The following SH2D4A variants were observed in gnomAD, a reference collection of about 807,000 sequenced individuals.
SH2D4A encodes the protein SH2 domain-containing protein 4A.
A neutral mutation model predicts 64.7 loss-of-function variants in SH2D4A; 70 were observed. That is an observed-to-expected ratio of 1.08 (90% confidence interval 0.89 to 1.32). The LOEUF (loss-of-function observed/expected upper bound fraction) is 1.32, where lower values mean the gene tolerates loss of function less well. SH2D4A is among the 40% of genes most tolerant of loss of function. SH2D4A has a pLI of 0.00. For missense variants in SH2D4A, 706 were observed against 540.1 expected (o/e 1.31, Z -3.04); for synonymous variants, 268 against 200.7 (o/e 1.34, Z -2.83).
chr8:19,365,458 C>G (rs185509231), intron 7 of SH2D4A, among the ~76,000 whole-genome samples: 2 of 152,152 alleles, frequency 1.3e-5, no homozygotes, highest in Non-Finnish European at 2.9e-5. Flanking sequence ...AAGGTGCACA[C>G]GGCTCTAAGT....
intron 4 of SH2D4A, among the ~76,000 whole-genome samples, chr8:19,355,876 GT>G (rs1157706385): frequency 4.6e-5 from 7 of 152,198 alleles, no homozygotes; most frequent in African/African-American, 1.7e-4. Flanking sequence ...GTTGTGACCA[GT>G]TTTATCAGTT....
chr8:19,319,301 C>G, intron 1 of SH2D4A, 43 bp from the exon 2 acceptor site: 1 of 1,167,570 alleles, frequency 8.6e-7, no homozygotes, highest in Non-Finnish European at 1.1e-6. Flanking sequence ...AGTGTCCACA[C>G]ATTTTAACAC....
intron 5 of SH2D4A, among the ~76,000 whole-genome samples, chr8:19,360,562 C>T (rs982131841): frequency 6.6e-5 from 10 of 152,048 alleles, no homozygotes; most frequent in Admixed American, 2.6e-4. Flanking sequence ...TACAGTGAGC[C>T]GAGATTATAC....
At chr8:19,368,801 T>C (rs991753658) in intron 7 of SH2D4A, among the ~76,000 whole-genome samples, 1 of 152,138 alleles carries the variant, frequency 6.6e-6, no homozygotes, top group Non-Finnish European at 1.5e-5. Context: ...GAGTTCCTCT[T>C]TTCCAATTTG....
chr8:19,325,281 G>T (rs780581814), intron 2 of SH2D4A, among the ~76,000 whole-genome samples: 2 of 152,154 alleles, frequency 1.3e-5, no homozygotes, highest in East Asian at 3.9e-4. Flanking sequence ...ATACTGTTCT[G>T]TTAGGATGTG....
intron 8 of SH2D4A, among the ~76,000 whole-genome samples, chr8:19,381,332 G>C (rs1422859466): frequency 1.1e-4 from 17 of 152,194 alleles, no homozygotes; most frequent in Admixed American, 1.1e-3. Flanking sequence ...TTACAAGCAT[G>C]AGCCACTGTG....
chr8:19,392,993 G>T (rs113840586), intron 8 of SH2D4A, among the ~76,000 whole-genome samples: 1 of 152,050 alleles, frequency 6.6e-6, no homozygotes, highest in Non-Finnish European at 1.5e-5. Flanking sequence ...CACCCACCTC[G>T]GCCTCTCAAA....
At chr8:19,369,704 T>G (rs894248596) in intron 7 of SH2D4A, among the ~76,000 whole-genome samples, 1 of 152,044 alleles carries the variant, frequency 6.6e-6, no homozygotes, top group Non-Finnish European at 1.5e-5. Context: ...CTGATTTTAT[T>G]TATTTGAGTC....
Position 19,364,202 on chromosome 8 carries a change from T to A in SH2D4A, c.837T>A (p.Val279=). 6.2e-7 allele frequency: 1 copy of A among 1,614,170 alleles called. No homozygotes were observed. The highest frequency in any genetic ancestry group is 8.5e-7 in the Non-Finnish European group (1 of 1,180,008). The change falls in exon 7 of 10, where the codon GTT becomes GTA. Residue 279 remains valine (V), a synonymous_variant. Coordinates refer to ENST00000265807, the MANE Select transcript of SH2D4A (RefSeq NM_022071.4). ...AGAGGCTGCAAAGCCCCTTGCGTGT[T>A]CCGCAGAAACCAGAAAGACCTCCCC... ...GGERLQSPLR[V]PQKPERPPLP... is the part of the protein sequence containing the mutation.
At chr8:19,327,725 G>A (rs1054920011) in intron 2 of SH2D4A, among the ~76,000 whole-genome samples, 1 of 152,196 alleles carries the variant, frequency 6.6e-6, no homozygotes, top group African/African-American at 2.4e-5. Context: ...GGTCTATGGA[G>A]CAGTGGTGGG....
At chr8:19,337,844 A>G (rs2052468747) in intron 4 of SH2D4A, among the ~76,000 whole-genome samples, 1 of 152,144 alleles carries the variant, frequency 6.6e-6, no homozygotes, top group South Asian at 2.1e-4. Context: ...CCCACAACAC[A>G]TGGGAATTGT....
At chr8:19,359,419 A>G (rs2052844138) in intron 5 of SH2D4A, among the ~76,000 whole-genome samples, 1 of 152,214 alleles carries the variant, frequency 6.6e-6, no homozygotes, top group African/African-American at 2.4e-5. Flanking sequence ...AACAATATCC[A>G]TGATGATCAT....
chr8:19,376,293 A>G (rs943792181), intron 8 of SH2D4A, among the ~76,000 whole-genome samples: 1 of 152,140 alleles, frequency 6.6e-6, no homozygotes. Context: ...CACATTATGG[A>G]GGGTAATCTG....
At chr8:19,381,433 G>T (rs1000119106) in intron 8 of SH2D4A, among the ~76,000 whole-genome samples, 2 of 152,098 alleles carry the variant, frequency 1.3e-5, no homozygotes, top group African/African-American at 4.8e-5. Flanking sequence ...TAATGTAAAT[G>T]GAATTTGATT....
intron 8 of SH2D4A, among the ~76,000 whole-genome samples, chr8:19,391,914 G>A (rs908803454): frequency 6.6e-6 from 1 of 152,174 alleles, no homozygotes; most frequent in East Asian, 1.9e-4. Flanking sequence ...TCAACAGGGA[G>A]CCAACAAGAG....
Position 19,364,242 on chromosome 8 carries a change from C to G in SH2D4A, c.877C>G (p.Gln293Glu). 6.2e-7 allele frequency: 1 copy of G among 1,614,184 alleles called. No individual in the cohort carries two copies. The highest frequency in any genetic ancestry group is 8.5e-7 in the Non-Finnish European group (1 of 1,180,004). ...PERPPLPPKP[Q>E]FLNSGAYPQK... ...AAGACCTCCCCTTCCACCCAAGCCT[C>G]AGTTCCTAAACTCAGGGGCATATCC... Residue 293 changes from glutamine to glutamate, a missense_variant, in exon 7 of 10, where the codon CAG becomes GAG. By Grantham distance (29) the Gln-to-Glu change is conservative (BLOSUM62 2). Transcript: ENST00000265807.
rs17387197 is a variant in SH2D4A, at chr8:19,323,105, G to A, written c.181+3377G>A. ...AGTGGGAGAATGTGATACTTAGGGA[G>A]AGACGTATGGATCTACTCTGCTTGC... On this transcript the variant is annotated intron_variant, in intron 2 of 9. Coordinates refer to ENST00000265807, the MANE Select transcript of SH2D4A (RefSeq NM_022071.4). 4.1e-3 allele frequency among the ~76,000 whole-genome samples: 623 copies of A among 152,160 alleles called. 1 individual carries two copies. Among genetic ancestry groups the A allele is most frequent in the Non-Finnish European group, 6.9e-3 (471 of 68,012 alleles).
intron 4 of SH2D4A, among the ~76,000 whole-genome samples, chr8:19,355,362 TG>T: frequency 6.6e-6 from 1 of 152,148 alleles, no homozygotes; most frequent in East Asian, 1.9e-4. Flanking sequence ...ATGAAACTTG[TG>T]GGAACAGTTC....
intron 8 of SH2D4A, among the ~76,000 whole-genome samples, chr8:19,388,744 A>T (rs1279855424): frequency 6.6e-6 from 1 of 152,252 alleles, no homozygotes; most frequent in Non-Finnish European, 1.5e-5. Context: ...CAGTGGCTGC[A>T]CGGAAGTGTC....
Sources: gnomAD v4.1 joint callset for allele counts (sites outside exome capture counted in the v4.1 genomes callset) on GRCh38, gnomAD v4.1.1 for gene constraint, MANE v1.5 for transcripts, NCBI Gene and HGNC (gene_info 2026-07-23, HGNC 2026-07-21) for gene names.